The following FGFRL1 variants were observed in gnomAD, a reference collection of about 807,000 sequenced individuals.
FGFRL1 encodes fibroblast growth factor receptor-like 1.
Under a neutral mutation model 36.8 loss-of-function variants are expected in FGFRL1, and 24 were observed. That is an observed-to-expected ratio of 0.65 (90% confidence interval 0.47 to 0.92). FGFRL1 has a LOEUF of 0.92. Ranked by LOEUF, FGFRL1 falls within the 40% of genes least tolerant of loss-of-function variation. FGFRL1 has a pLI of 0.00. For missense variants in FGFRL1, 785 were observed against 753.4 expected (o/e 1.04, Z -0.49); for synonymous variants, 422 against 344.1 (o/e 1.23, Z -2.50).
chr4:1,012,039 GTTC>G lies in FGFRL1; in HGVS notation c.-17+86_-17+88del, dbSNP rs1278571709. On this transcript the variant is annotated intron_variant, in intron 1 of 6. Transcript: ENST00000510644. The stretch of plus-strand genomic sequence containing the variant: ...CCGGGGCGGGGGCGGGGAGGGGCGG[GTTC>G]GGGGCCCCAGCTGGGCACGGGTCAT... The G allele has an allele frequency of 4.8e-5, 7 of 145,918 alleles. No homozygotes were observed. In the East Asian group the frequency reaches 8.1e-4, roughly 17 times the overall value. 9.0% of individuals were successfully genotyped at this position (145,918 alleles called of 1,614,324 possible).
chr4:1,014,943 C>T (rs1174298471), intron 2 of FGFRL1, among the ~76,000 whole-genome samples: 1 of 152,336 alleles, frequency 6.6e-6, no homozygotes, highest in Middle Eastern at 3.4e-3. Flanking sequence ...CTCCTTTATC[C>T]ATTGTGCGGG....
chr4:1,025,058 C>T lies in FGFRL1; in HGVS notation c.1226C>T (p.Ala409Val), dbSNP rs759910460. The change falls in exon 7 of 7, where the codon GCG becomes GTG. Residue 409 changes from alanine (A) to valine (V), a missense_variant. Transcript: ENST00000510644. Reference sequence around the variant, plus strand: ...GCCCAGAAGAAGCCGTGCACCCCCGCGCCTGCCCCTCCCCTGCCTGGGCAC... The same window carrying T: ...GCCCAGAAGAAGCCGTGCACCCCCGTGCCTGCCCCTCCCCTGCCTGGGCAC... ...CQAQKKPCTP[A>V]PAPPLPGHRP... is the part of the protein sequence containing the mutation. 36 of 1,609,728 alleles carry T rather than the reference C, an allele frequency of 2.2e-5. No individual in the cohort carries two copies. The highest frequency in any genetic ancestry group is 1.7e-4 in the Middle Eastern group (1 of 5,972).
At chr4:1,012,925 G>T (rs1464897208) in intron 2 of FGFRL1, among the ~76,000 whole-genome samples, 3 of 152,248 alleles carry the variant, frequency 2.0e-5, no homozygotes, top group Admixed American at 6.5e-5. Context: ...TGTGGCCACA[G>T]TGGACCCGAT....
At chr4:1,024,758 C>T in intron 6 of FGFRL1, 94 bp downstream of exon 6, 1 of 1,416,338 alleles carries the variant, frequency 7.1e-7, no homozygotes, top group South Asian at 1.4e-5. Context: ...CCCACCCTTC[C>T]CTCCCGGGCC....
rs1261207613 is a variant in FGFRL1 at position 1,011,894 on chromosome 4, G to C, written c.-77G>C. The C allele has an allele frequency of 2.8e-5, 4 of 145,338 alleles. No homozygotes were observed. The highest frequency in any genetic ancestry group is 4.6e-5 in the Non-Finnish European group (3 of 65,526). 9.0% of individuals were successfully genotyped at this position (145,338 alleles called of 1,614,324 possible). A position where few individuals can be genotyped will look rare whatever the true frequency, so the allele number is the denominator to read the frequency against. The stretch of plus-strand genomic sequence containing the variant: ...CGGCGCCCGGGGCGGCGATGACCGC[G>C]GAGCGCACGCCGCGGGCCCGGCCCT... On this transcript the variant is annotated 5_prime_UTR_variant, in exon 1 of 7. Transcript: ENST00000510644.
At chr4:1,019,864 G>C (rs1716080616) in intron 2 of FGFRL1, among the ~76,000 whole-genome samples, 1 of 152,214 alleles carries the variant, frequency 6.6e-6, no homozygotes, top group Admixed American at 6.5e-5. Context: ...GGCCGGGTGA[G>C]CCAGGGCTGA....
chr4:1,012,608 G>T, intron 2 of FGFRL1, 44 bp downstream of exon 2: 3 of 938,432 alleles, frequency 3.2e-6, no homozygotes, highest in East Asian at 3.3e-5. Flanking sequence ...CTCCGCCAGC[G>T]CCGCCCCCTT....
At chr4:1,017,330 G>A (rs938661757) in intron 2 of FGFRL1, among the ~76,000 whole-genome samples, 1 of 152,162 alleles carries the variant, frequency 6.6e-6, no homozygotes, top group African/African-American at 2.4e-5. Flanking sequence ...GGGAACTTGG[G>A]TAGCCGGTCA....
intron 2 of FGFRL1, among the ~76,000 whole-genome samples, chr4:1,016,108 C>G (rs1008940279): frequency 2.5e-4 from 38 of 152,216 alleles, no homozygotes; most frequent in Non-Finnish European, 5.1e-4. Flanking sequence ...CCTGGTGGTG[C>G]CCGGTGTGCC....
rs745333939 is a variant in FGFRL1 at position 1,023,742 on chromosome 4, G to A, written c.433+21G>A. On this transcript the variant is annotated intron_variant, in intron 4 of 6. Transcript: ENST00000510644. This position sits in a 1 kb window ranked among gnomAD's most constrained non-coding sequence, Gnocchi z 6.0. Reference sequence around the variant, plus strand: ...GTGGGGTGAGCAGGGGGTGACGGGGGTGGGGGGCGTCCGTCTGTCCCGGCC... The same window carrying A: ...GTGGGGTGAGCAGGGGGTGACGGGGATGGGGGGCGTCCGTCTGTCCCGGCC... The A allele has an allele frequency of 1.9e-6, 3 of 1,550,478 alleles. No individual in the cohort carries two copies. Among genetic ancestry groups the A allele is most frequent in the Admixed American group, 1.9e-5 (1 of 51,732 alleles).
rs939719953 is a variant in FGFRL1, at chr4:1,011,919, T to A, written c.-52T>A. 2 of 143,238 alleles carry A rather than the reference T, an allele frequency of 1.4e-5. No homozygotes were observed. The highest frequency in any genetic ancestry group is 5.0e-5 in the African/African-American group (2 of 39,844). 8.9% of individuals were successfully genotyped at this position (143,238 alleles called of 1,614,324 possible). On this transcript the variant is annotated 5_prime_UTR_variant, in exon 1 of 7. It removes the in-frame stop codon of an upstream open reading frame in the 5' UTR. Transcript: ENST00000510644. ...GGAGCGCACGCCGCGGGCCCGGCCC[T>A]GACCCCGCCGCCCGCCCGCTGAGCC...
chr4:1,012,244 G>A (rs768448638), intron 1 of FGFRL1: 2 of 482,556 alleles, frequency 4.1e-6, no homozygotes, highest in Non-Finnish European at 7.3e-6. Context: ...GAATCCAGAC[G>A]GTGTTTGGAG....
rs368634271 is a variant in FGFRL1, at chr4:1,024,579, C to T, written c.987C>T (p.Arg329=). The T allele has an allele frequency of 5.0e-5, 81 of 1,612,336 alleles. 1 individual carries two copies. Among genetic ancestry groups the T allele is most frequent in the Non-Finnish European group, 6.4e-5 (76 of 1,179,862 alleles). ...YLNKLLITRA[R]QDDAGMYICL... ...ATAAGCTGCTCATCACCCGTGCCCG[C>T]CAGGACGATGCGGGCATGTACATCT... is the stretch of plus-strand genomic sequence containing the variant. The change falls in exon 6 of 7, where the codon CGC becomes CGT. Residue 329 remains arginine (R), a synonymous_variant. Coordinates refer to ENST00000510644, the MANE Select transcript of FGFRL1 (RefSeq NM_001004356.3).
Position 1,024,257 on chromosome 4 carries a change from G to A in FGFRL1, c.719-54G>A, listed in dbSNP as rs909604476. On this transcript the variant is annotated intron_variant, in intron 5 of 6. Coordinates refer to ENST00000510644, the MANE Select transcript of FGFRL1 (RefSeq NM_001004356.3). The stretch of plus-strand genomic sequence containing the variant: ...GTGCTGGTGGGCCCAGGGTGCTGGC[G>A]GGGTAGAGTCCGGCGCGGCCCAGGA... The A allele has an allele frequency of 3.1e-5, 48 of 1,528,164 alleles. No individual in the cohort carries two copies. The Admixed American group carries it at 7.0e-4, about 22-fold the overall frequency. The allele number at this position is 1,528,164 out of a possible 1,614,324, so 94.7% of individuals were successfully genotyped here.
intron 2 of FGFRL1, among the ~76,000 whole-genome samples, chr4:1,019,969 TGATGCCTGTGGGCTCA>T (rs1215916937): frequency 1.3e-5 from 2 of 152,164 alleles, no homozygotes; most frequent in Non-Finnish European, 2.9e-5. Context: ...CAGCGGCCAA[TGATGCCTGTGGGCTCA>T]GAACCTAGAG....
In FGFRL1 at chr4:1,023,905, C is replaced by G. The variant is rs772250235; in HGVS notation, c.522C>G (p.Ala174=). The change falls in exon 5 of 7, where the codon GCC becomes GCG. Residue 174 remains alanine, a synonymous_variant. Coordinates refer to ENST00000510644, the MANE Select transcript of FGFRL1 (RefSeq NM_001004356.3). This position sits in a 1 kb window ranked among gnomAD's most constrained non-coding sequence, Gnocchi z 6.0. ...GCTCCGTGCGGCTCAAGTGCGTGGC[C>G]AGCGGGCACCCTCGGCCCGACATCA... is the stretch of plus-strand genomic sequence containing the variant. ...VGSSVRLKCV[A]SGHPRPDITW... 1 of 1,579,182 alleles carries G rather than the reference C, an allele frequency of 6.3e-7. No individual in the cohort carries two copies. The highest frequency in any genetic ancestry group is 1.8e-5 in the Admixed American group (1 of 56,738).
Position 1,026,786 on chromosome 4 carries a change from C to A in FGFRL1, c.*1439C>A, listed in dbSNP as rs1326725689. The stretch of plus-strand genomic sequence containing the variant: ...CCCCGTCCAGGCCAGACACCACCCC[C>A]CACCCCACTGTCGTGGTGGCCCCAG... On this transcript the variant is annotated 3_prime_UTR_variant, in exon 7 of 7. Coordinates refer to ENST00000510644, the MANE Select transcript of FGFRL1 (RefSeq NM_001004356.3). 2.2e-6 allele frequency: 1 copy of A among 450,422 alleles called. No individual in the cohort carries two copies. The highest frequency in any genetic ancestry group is 7.1e-5 in the East Asian group (1 of 14,144). The allele number at this position is 450,422 out of a possible 1,614,324, so 27.9% of individuals were successfully genotyped here. A position where few individuals can be genotyped will look rare whatever the true frequency, so the allele number is the denominator to read the frequency against.
At chr4:1,017,917 C>T (rs1715978070) in intron 2 of FGFRL1, among the ~76,000 whole-genome samples, 1 of 152,236 alleles carries the variant, frequency 6.6e-6, no homozygotes. Context: ...CGAATGTCCA[C>T]TGAGTATCTG....
In FGFRL1 at chr4:1,023,890, G is replaced by A; in HGVS notation, c.507G>A (p.Arg169=). 1.9e-6 allele frequency: 3 copies of A among 1,580,576 alleles called. No individual in the cohort carries two copies. Among genetic ancestry groups the A allele is most frequent in the African/African-American group, 2.7e-5 (2 of 74,120 alleles). Residue 169 remains arginine, a synonymous_variant, in exon 5 of 7, where the codon CGG becomes CGA. Coordinates refer to ENST00000510644, the MANE Select transcript of FGFRL1 (RefSeq NM_001004356.3). The surrounding 1 kb of genome is among the most constrained non-coding windows in gnomAD (Gnocchi z 6.0). ...VIARPVGSSV[R]LKCVASGHPR... The stretch of plus-strand genomic sequence containing the variant: ...CACGGCCCGTGGGTAGCTCCGTGCG[G>A]CTCAAGTGCGTGGCCAGCGGGCACC...
Sources: allele counts gnomAD v4.1 joint callset (sites outside exome capture counted in the v4.1 genomes callset), GRCh38; gene constraint gnomAD v4.1.1; non-coding constraint Gnocchi (gnomAD v3.1); transcripts MANE v1.5; gene names NCBI Gene and HGNC (gene_info 2026-07-23, HGNC 2026-07-21).